The following ARHGAP42 variants were observed in gnomAD, a reference collection of about 807,000 sequenced individuals.
The protein encoded by ARHGAP42 is rho GTPase-activating protein 42.
In ARHGAP42, 63 loss-of-function variants were observed where a neutral mutation model predicts 125.0. That is an observed-to-expected ratio of 0.50 (90% CI 0.41 to 0.62). The LOEUF (loss-of-function observed/expected upper bound fraction) is 0.62. Among genes scored for constraint, ARHGAP42 ranks in the 20% least tolerant of loss-of-function variants. The pLI is 0.00. For synonymous variants in ARHGAP42, 339 were observed against 351.0 expected (o/e 0.97, Z 0.38); for missense variants, 766 against 1,024.2 (o/e 0.75, Z 3.44).
intron 4 of ARHGAP42, among the ~76,000 whole-genome samples, chr11:100,877,733 G>A (rs569957155): frequency 3.9e-5 from 6 of 152,220 alleles, no homozygotes; most frequent in East Asian, 3.9e-4. Flanking sequence ...CAGGGTGGGC[G>A]CGGTGGCTCA....
intron 2 of ARHGAP42, among the ~76,000 whole-genome samples, chr11:100,779,485 T>TACACACACACAC (rs1288145501): frequency 1.4e-3 from 117 of 81,408 alleles, no homozygotes; most frequent in African/African-American, 4.5e-3. Flanking sequence ...TATATATATA[T>TACACACACACAC]ACACACACAC....
chr11:100,746,267 G>A (rs1188378906), intron 1 of ARHGAP42, among the ~76,000 whole-genome samples: 1 of 152,240 alleles, frequency 6.6e-6, no homozygotes, highest in African/African-American at 2.4e-5. Context: ...CATGAAGTGA[G>A]CTTAGTGTTG....
chr11:100,891,504 G>T lies in ARHGAP42; in HGVS notation c.385-21948G>T, dbSNP rs1159335249. Among the ~76,000 whole-genome samples, 5 of 144,228 alleles carry T rather than the reference G, an allele frequency of 3.5e-5. No homozygotes were observed. The East Asian group carries it at 1.0e-3, about 29-fold the overall frequency. The allele number at this position is 144,228 out of a possible 152,430, so 94.6% of individuals were successfully genotyped here. A position where few individuals can be genotyped will look rare whatever the true frequency, so the allele number is the denominator to read the frequency against. ...GCCACCCAGGCTGGAGTGCAATGGT[G>T]CAATCTTGGCTTGCTGCAACCTCTG... On this transcript the variant is annotated intron_variant, in intron 4 of 23. Transcript: ENST00000298815.
At chr11:100,941,481 C>A (rs1591310325) in intron 8 of ARHGAP42, among the ~76,000 whole-genome samples, 1 of 152,230 alleles carries the variant, frequency 6.6e-6, no homozygotes, top group South Asian at 2.1e-4. Context: ...CTCATTCTTC[C>A]TACCTCTATG....
intron 3 of ARHGAP42, among the ~76,000 whole-genome samples, chr11:100,857,504 A>G (rs1448440722): frequency 6.6e-6 from 1 of 152,138 alleles, no homozygotes. Context: ...CCAATAAAAA[A>G]CATCCATTCA....
At chr11:100,706,003 T>C (rs1201414519) in intron 1 of ARHGAP42, among the ~76,000 whole-genome samples, 1 of 136,466 alleles carries the variant, frequency 7.3e-6, no homozygotes, top group Non-Finnish European at 1.6e-5. Flanking sequence ...TTTTTTGAGA[T>C]GGAGTCTTGC....
At chr11:100,746,572 T>C (rs535345244) in intron 1 of ARHGAP42, among the ~76,000 whole-genome samples, 2 of 152,244 alleles carry the variant, frequency 1.3e-5, no homozygotes, top group Non-Finnish European at 2.9e-5. Context: ...TCAATGGCTG[T>C]GGTTTGCCTT....
At chr11:100,781,642 T>TTAAA (rs1863314489) in intron 2 of ARHGAP42, among the ~76,000 whole-genome samples, 4 of 152,190 alleles carry the variant, frequency 2.6e-5, no homozygotes, top group African/African-American at 7.2e-5. Flanking sequence ...TGTATTCTTG[T>TTAAA]CAGAGGAATT....
intron 1 of ARHGAP42, among the ~76,000 whole-genome samples, chr11:100,698,919 CTT>C (rs1349293606): frequency 6.6e-6 from 1 of 152,104 alleles, no homozygotes; most frequent in Admixed American, 6.6e-5. Context: ...TTAGGGGTGA[CTT>C]TTGCTAAGGC....
intron 1 of ARHGAP42, among the ~76,000 whole-genome samples, chr11:100,712,593 A>T (rs1591122061): frequency 6.6e-6 from 1 of 151,828 alleles, no homozygotes; most frequent in Non-Finnish European, 1.5e-5. Context: ...GGAGGGAGGG[A>T]CCTCCTGGTT....
chr11:100,693,746 A>G (rs1479988695), intron 1 of ARHGAP42, among the ~76,000 whole-genome samples: 2 of 152,178 alleles, frequency 1.3e-5, no homozygotes, highest in Non-Finnish European at 2.9e-5. Context: ...TGATCAAGGT[A>G]CTTTCAGAGT....
intron 2 of ARHGAP42, among the ~76,000 whole-genome samples, chr11:100,779,552 A>ATACATACGTATATATACGTATGTATACG: frequency 1.1e-5 from 1 of 87,342 alleles, no homozygotes; most frequent in South Asian, 4.9e-4. Flanking sequence ...ATATATATAC[A>ATACATACGTATATATACGTATGTATACG]TATACATACG....
chr11:100,697,221 C>T (rs1261071930), intron 1 of ARHGAP42, among the ~76,000 whole-genome samples: 5 of 150,696 alleles, frequency 3.3e-5, no homozygotes, highest in African/African-American at 9.8e-5. Context: ...CTCGCTCTGT[C>T]GCCCAGGCTG....
chr11:100,770,297 A>G (rs1862942057), intron 1 of ARHGAP42, 46 bp from the exon 2 acceptor site: 1 of 1,281,760 alleles, frequency 7.8e-7, no homozygotes, highest in East Asian at 2.6e-5. Context: ...ATTCGGATTC[A>G]GTGGAACCTC....
intron 2 of ARHGAP42, among the ~76,000 whole-genome samples, chr11:100,778,853 G>A (rs958068798): frequency 2.0e-5 from 3 of 152,146 alleles, no homozygotes; most frequent in African/African-American, 7.2e-5. Flanking sequence ...TTTAACTGAT[G>A]GATAGACATT....
At chr11:100,777,763 TAAAC>T (rs952360208) in intron 2 of ARHGAP42, among the ~76,000 whole-genome samples, 3 of 152,232 alleles carry the variant, frequency 2.0e-5, no homozygotes, top group Admixed American at 6.5e-5. Flanking sequence ...TTTTTTGACT[TAAAC>T]AAATTCAATG....
chr11:100,929,210 C>A (rs1434758875), intron 6 of ARHGAP42, among the ~76,000 whole-genome samples: 1 of 152,078 alleles, frequency 6.6e-6, no homozygotes, highest in Non-Finnish European at 1.5e-5. Flanking sequence ...GAGCAGGCAA[C>A]CTAGATCCCT....
At chr11:100,925,851 C>T (rs1867405327) in intron 6 of ARHGAP42, among the ~76,000 whole-genome samples, 1 of 152,126 alleles carries the variant, frequency 6.6e-6, no homozygotes, top group African/African-American at 2.4e-5. Context: ...GATGTGTCAA[C>T]AAGGTACGCA....
intron 1 of ARHGAP42, among the ~76,000 whole-genome samples, chr11:100,713,798 T>C (rs1861604082): frequency 6.6e-6 from 1 of 152,222 alleles, no homozygotes; most frequent in African/African-American, 2.4e-5. Context: ...ATTACTCTTA[T>C]GTGGCCTGCT....
Sources: allele counts gnomAD v4.1 joint callset (sites outside exome capture counted in the v4.1 genomes callset), GRCh38; gene constraint gnomAD v4.1.1; transcripts MANE v1.5; gene names NCBI Gene and HGNC (gene_info 2026-07-23, HGNC 2026-07-21).